TPT1: variants seen among roughly 807,000 people sequenced by gnomAD.
TPT1 encodes translationally-controlled tumor protein.
Under a neutral mutation model 22.8 loss-of-function variants are expected in TPT1, and 5 were observed. That is an observed-to-expected ratio of 0.22 (90% confidence interval 0.11 to 0.46). The LOEUF (loss-of-function observed/expected upper bound fraction) is 0.46. Ranked by LOEUF, TPT1 falls within the 20% of genes least tolerant of loss-of-function variation. TPT1 has a pLI of 0.99. For synonymous variants in TPT1, 89 were observed against 73.6 expected (o/e 1.21, Z -1.07); for missense variants, 130 against 218.7 (o/e 0.59, Z 2.56).
intron 3 of TPT1, 95 bp from the exon 4 acceptor site, chr13:45,339,697 C>T: frequency 8.7e-7 from 1 of 1,148,324 alleles, no homozygotes; most frequent in South Asian, 1.4e-5. Context: ...AAAGAAAACA[C>T]TGAAAAAGGC....
In TPT1 at chr13:45,341,179, A is replaced by AT. The variant is rs1879115251; in HGVS notation, c.-111_-110insA. On this transcript the variant is annotated 5_prime_UTR_variant, in exon 1 of 6. Coordinates refer to ENST00000530705, the MANE Select transcript of TPT1 (RefSeq NM_003295.4). ...CTCGGGGGGAGGGGGGAGCGGGCGG[A>AT]AAAGGCCGACTCAGCCGCTCCCCAA... 6.9e-7 allele frequency: 1 copy of AT among 1,454,994 alleles called. No individual in the cohort carries two copies. The highest frequency in any genetic ancestry group is 9.4e-7 in the Non-Finnish European group (1 of 1,060,312). The allele number at this position is 1,454,994 out of a possible 1,614,324, so 90.1% of individuals were successfully genotyped here. A position where few individuals can be genotyped will look rare whatever the true frequency, so the allele number is the denominator to read the frequency against.
At position 45,336,026 on chromosome 13, in the gene TPT1, C is replaced by G. The variant is rs556801422; in HGVS notation, c.*1360G>C. On this transcript the variant is annotated 3_prime_UTR_variant, in exon 6 of 6. Coordinates refer to ENST00000530705, the MANE Select transcript of TPT1 (RefSeq NM_003295.4). ...CTGATAGACTATTTCCCAAAACTCA[C>G]GTTTTGAAAATTCCCCTCCCAGGCT... 6.6e-6 allele frequency: 1 copy of G among 151,006 alleles called. No individual in the cohort carries two copies. The highest frequency in any genetic ancestry group is 1.5e-5 in the Non-Finnish European group (1 of 68,036). The allele number at this position is 151,006 out of a possible 1,614,324, so 9.4% of individuals were successfully genotyped here. A position where few individuals can be genotyped will look rare whatever the true frequency, so the allele number is the denominator to read the frequency against.
Position 45,341,156 on chromosome 13 carries a change from CGG to C in TPT1, c.-89_-88del, listed in dbSNP as rs1279527070. The C allele has an allele frequency of 5.7e-6, 9 of 1,567,054 alleles. No individual in the cohort carries two copies. The East Asian group carries it at 1.9e-4, about 33-fold the overall frequency. ...AGCGCGGTGCAGCCGGAGCGGCGCT[CGG>C]GGGGAGGGGGGAGCGGGCGGAAAAG... On this transcript the variant is annotated 5_prime_UTR_variant, in exon 1 of 6. Transcript: ENST00000530705.
Position 45,335,455 on chromosome 13 carries a change from G to A in TPT1, c.*1931C>T, listed in dbSNP as rs1251102716. 6.6e-6 allele frequency: 1 copy of A among 152,176 alleles called. No individual in the cohort carries two copies. The highest frequency in any genetic ancestry group is 2.4e-5 in the African/African-American group (1 of 41,430). 9.4% of individuals were successfully genotyped at this position (152,176 alleles called of 1,614,324 possible). A position where few individuals can be genotyped will look rare whatever the true frequency, so the allele number is the denominator to read the frequency against. ...CTGAATTGCTACTTGTCTGTTTCAG[G>A]CTTCCAAGGCTAGTTCACCAATTAG... On this transcript the variant is annotated 3_prime_UTR_variant, in exon 6 of 6. Transcript: ENST00000530705.
rs1334121653 is a variant in TPT1, at chr13:45,334,496, A to T, written c.*2890T>A. ...CAAACTTAACACATCCAAAACTAACAAAACTAAACTCGACTTCCCACCTCA... is the reference window on the plus strand; with the variant it reads ...CAAACTTAACACATCCAAAACTAACTAAACTAAACTCGACTTCCCACCTCA... On this transcript the variant is annotated 3_prime_UTR_variant, in exon 6 of 6. Coordinates refer to ENST00000530705, the MANE Select transcript of TPT1 (RefSeq NM_003295.4). The T allele has an allele frequency of 6.6e-6, 1 of 152,220 alleles. No homozygotes were observed. The highest frequency in any genetic ancestry group is 2.4e-5 in the African/African-American group (1 of 41,444). The allele number at this position is 152,220 out of a possible 1,614,324, so 9.4% of individuals were successfully genotyped here.
intron 5 of TPT1, chr13:45,338,311 G>A: frequency 3.6e-6 from 1 of 281,512 alleles, no homozygotes; most frequent in Non-Finnish European, 6.6e-6. Flanking sequence ...GCAGAGATAG[G>A]GTTTCGCCAT....
intron 3 of TPT1, 160 bp from the exon 4 acceptor site, chr13:45,339,762 C>G (rs977336687): frequency 6.5e-6 from 5 of 772,346 alleles, no homozygotes; most frequent in Non-Finnish European, 8.1e-6. Context: ...AGAATGTTTA[C>G]ATTTCTTGTT....
rs1267200243 is a variant in TPT1, at chr13:45,336,542, C to T, written c.*844G>A. 1.3e-5 allele frequency: 2 copies of T among 152,226 alleles called. No homozygotes were observed. The highest frequency in any genetic ancestry group is 2.9e-5 in the Non-Finnish European group (2 of 68,050). The allele number at this position is 152,226 out of a possible 1,614,324, so 9.4% of individuals were successfully genotyped here. ...CAGCCCACATTCTGTGTACCTTCAT[C>T]TTTTAAATCAGGGGCTGGCAAACTT... On this transcript the variant is annotated 3_prime_UTR_variant, in exon 6 of 6. Transcript: ENST00000530705.
Position 45,337,069 on chromosome 13 carries a change from G to A in TPT1, c.*317C>T, listed in dbSNP as rs1878749718. On this transcript the variant is annotated 3_prime_UTR_variant, in exon 6 of 6. Transcript: ENST00000530705. ...AGTCCCAGAAGTAGTCTCCACTGTA[G>A]AAGTTAATTGATGAGTAGTAGCCTA... is the stretch of plus-strand genomic sequence containing the variant. 2 of 389,010 alleles carry A rather than the reference G, an allele frequency of 5.1e-6. No individual in the cohort carries two copies. The highest frequency in any genetic ancestry group is 3.0e-5 in the South Asian group (1 of 33,256). 24.1% of individuals were successfully genotyped at this position (389,010 alleles called of 1,614,324 possible).
chr13:45,340,308 T>G, intron 2 of TPT1, 124 bp from the exon 3 acceptor site: 2 of 1,278,244 alleles, frequency 1.6e-6, no homozygotes. Context: ...AGCACCATTT[T>G]GGGAATAAAG....
rs1318702063 is a variant in TPT1, at chr13:45,338,690, G to A, written c.486C>T (p.Phe162=). Reference sequence around the variant, plus strand: ...TTTCCATTTCTAAACCATCCTTAAAGAAAATCATATATGGGGTCACACCAT... The same window carrying A: ...TTTCCATTTCTAAACCATCCTTAAAAAAAATCATATATGGGGTCACACCAT... ...REDGVTPYMI[F]FKDGLEMEKC is the part of the protein sequence containing the mutation. The change falls in exon 5 of 6, where the codon TTC becomes TTT. Residue 162 remains phenylalanine, a synonymous_variant. Coordinates refer to ENST00000530705, the MANE Select transcript of TPT1 (RefSeq NM_003295.4). 8.1e-6 allele frequency: 13 copies of A among 1,613,258 alleles called. No individual in the cohort carries two copies. Among genetic ancestry groups the A allele is most frequent in the Non-Finnish European group, 1.1e-5 (13 of 1,179,860 alleles).
At chr13:45,337,758 A>G in intron 5 of TPT1, 1 of 593,888 alleles carries the variant, frequency 1.7e-6, no homozygotes, top group Admixed American at 3.1e-5. Context: ...ATTTCTGTCT[A>G]CTGTTGACTC....
chr13:45,340,751 C>T lies in TPT1; in HGVS notation c.63G>A (p.Arg21=), dbSNP rs1879056021. The change falls in exon 2 of 6, where the codon CGG becomes CGA. Residue 21 remains arginine, a synonymous_variant. Transcript: ENST00000530705. ...DEMFSDIYKI[R]EIADGLCLEV... ...CCAGGCACAACCCGTCCGCGATCTC[C>T]CGGATCTTGTAGATGTCGGAGAACA... is the stretch of plus-strand genomic sequence containing the variant. 2.0e-6 allele frequency: 3 copies of T among 1,520,844 alleles called. No individual in the cohort carries two copies. The highest frequency in any genetic ancestry group is 2.6e-6 in the Non-Finnish European group (3 of 1,135,610). The allele number at this position is 1,520,844 out of a possible 1,614,324, so 94.2% of individuals were successfully genotyped here.
rs1878724948 is a variant in TPT1, at chr13:45,336,699, T to G, written c.*687A>C. 6.6e-6 allele frequency: 1 copy of G among 152,304 alleles called. No individual in the cohort carries two copies. The highest frequency in any genetic ancestry group is 2.1e-4 in the South Asian group (1 of 4,840). The allele number at this position is 152,304 out of a possible 1,614,324, so 9.4% of individuals were successfully genotyped here. A position where few individuals can be genotyped will look rare whatever the true frequency, so the allele number is the denominator to read the frequency against. On this transcript the variant is annotated 3_prime_UTR_variant, in exon 6 of 6. Coordinates refer to ENST00000530705, the MANE Select transcript of TPT1 (RefSeq NM_003295.4). ...CTTAAATTCCATATCCCACAAGGTA[T>G]TCTTTTCCCCTCAACCATTTAAAAA...
At chr13:45,339,431 A>G in intron 4 of TPT1, 66 bp downstream of exon 4, 1 of 1,419,764 alleles carries the variant, frequency 7.0e-7, no homozygotes. Flanking sequence ...AAGATTAATC[A>G]ACTTAATTTT....
At chr13:45,338,499 T>C (rs9595305) in intron 5 of TPT1, 161 bp downstream of exon 5, 749,362 of 1,372,264 alleles carry the variant, frequency 0.55, 210,198 homozygotes, top group African/African-American at 0.69. Flanking sequence ...CCCTAAGAAT[T>C]TTTTACATAT....
chr13:45,337,330 C>G lies in TPT1; in HGVS notation c.*56G>C. On this transcript the variant is annotated 3_prime_UTR_variant, in exon 6 of 6. Transcript: ENST00000530705. ...TTAAGTCCTGGTGTTGTGTGGATGA[C>G]AAGCAGAAGCCAGTTATGATGACAG... 6.4e-7 allele frequency: 1 copy of G among 1,568,748 alleles called. No individual in the cohort carries two copies. Among genetic ancestry groups the G allele is most frequent in the Non-Finnish European group, 8.8e-7 (1 of 1,139,716 alleles).
rs745749759 is a variant in TPT1 at position 45,340,701 on chromosome 13, G to A, written c.102+11C>T. 1.0e-5 allele frequency: 16 copies of A among 1,545,784 alleles called. No homozygotes were observed. Among genetic ancestry groups the A allele is most frequent in the African/African-American group, 9.6e-5 (7 of 72,648 alleles). ...CCCGGACTCCCCCACGCGCAGGCCCGACCGACTCACCTTCCCCTCCACCTC... is the reference window on the plus strand; with the variant it reads ...CCCGGACTCCCCCACGCGCAGGCCCAACCGACTCACCTTCCCCTCCACCTC... On this transcript the variant is annotated intron_variant, in intron 2 of 5. Coordinates refer to ENST00000530705, the MANE Select transcript of TPT1 (RefSeq NM_003295.4).
intron 5 of TPT1, 58 bp from the exon 6 acceptor site, chr13:45,337,446 T>C (rs1339592833): frequency 1.9e-6 from 3 of 1,614,160 alleles, no homozygotes; most frequent in African/African-American, 1.3e-5. Flanking sequence ...AAAGTTACAT[T>C]ACCATTAACA....
Sources: gnomAD v4.1 joint callset for allele counts on GRCh38, gnomAD v4.1.1 for gene constraint, MANE v1.5 for transcripts, NCBI Gene and HGNC (gene_info 2026-07-23, HGNC 2026-07-21) for gene names.